Variants in CARMIL2 observed in about 807,000 individuals in gnomAD.
CARMIL2 encodes capping protein regulator and myosin 1 linker 2.
Under a neutral mutation model 173.3 loss-of-function variants are expected in CARMIL2, and 96 were observed. The observed-to-expected ratio is 0.55, with a 90% confidence interval of 0.47 to 0.66. The LOEUF (loss-of-function observed/expected upper bound fraction) is 0.66. Ranked by LOEUF, CARMIL2 falls within the 30% of genes least tolerant of loss-of-function variation. The pLI, the probability that CARMIL2 is intolerant of heterozygous loss-of-function variation, is 0.00. For synonymous variants in CARMIL2, 830 were observed against 817.1 expected (o/e 1.02, Z -0.27); for missense variants, 1,771 against 1,906.7 (o/e 0.93, Z 1.33).
Position 67,652,948 on chromosome 16 carries a change from G to C in CARMIL2, c.2885-71G>C. On this transcript the variant is annotated intron_variant, in intron 28 of 37. Coordinates refer to ENST00000334583, the MANE Select transcript of CARMIL2 (RefSeq NM_001013838.3). This position sits in a 1 kb window ranked among gnomAD's most constrained non-coding sequence, Gnocchi z 4.7. ...TCCCCGCGCCCTGGGCGGGTCCCCC[G>C]CCGCCCTAGCGCCTCCGCCGCCACC... The C allele has an allele frequency of 2.7e-6, 2 of 752,462 alleles. No homozygotes were observed. The highest frequency in any genetic ancestry group is 3.6e-6 in the Non-Finnish European group (2 of 562,240). 46.6% of individuals were successfully genotyped at this position (752,462 alleles called of 1,614,324 possible).
In CARMIL2 at chr16:67,656,833, G is replaced by C. The variant is rs1397038745; in HGVS notation, c.4069G>C (p.Gly1357Arg). Residue 1357 changes from glycine to arginine, a missense_variant, in exon 36 of 38, where the codon GGG becomes CGG. Gly to Arg is a moderately radical substitution (Grantham distance 125). Around this residue, in one of 3 missense-constraint regions of CARMIL2, gnomAD observed 817 missense variants for 903.5 expected, o/e 0.90. Coordinates refer to ENST00000334583, the MANE Select transcript of CARMIL2 (RefSeq NM_001013838.3). ...GCTGAGGCCGAGGCCTCTCTCGGCA[G>C]GGCGGCGAGCAGTGTCTGTGCATGA... ...GQLRPRPLSA[G>R]RRAVSVHEDQ... 36 of 1,550,806 alleles carry C rather than the reference G, an allele frequency of 2.3e-5. No homozygotes were observed. The Admixed American group carries it at 4.1e-4, about 18-fold the overall frequency.
chr16:67,648,643 C>G lies in CARMIL2; in HGVS notation c.1440-42C>G. On this transcript the variant is annotated intron_variant, in intron 15 of 37. Transcript: ENST00000334583. This position sits in a 1 kb window ranked among gnomAD's most constrained non-coding sequence, Gnocchi z 6.1. ...CTCCTTCGTTCGCACCCTGGAGCCCCCTGTCCCAGCTCCCGCCACCCCGTG... is the reference window on the plus strand; with the variant it reads ...CTCCTTCGTTCGCACCCTGGAGCCCGCTGTCCCAGCTCCCGCCACCCCGTG... 1 of 1,570,990 alleles carries G rather than the reference C, an allele frequency of 6.4e-7. No homozygotes were observed. The highest frequency in any genetic ancestry group is 8.7e-7 in the Non-Finnish European group (1 of 1,155,814).
rs761403215 is a variant in CARMIL2 at position 67,646,283 on chromosome 16, A to G, written c.347A>G (p.Lys116Arg). The G allele has an allele frequency of 1.2e-6, 2 of 1,613,672 alleles. No homozygotes were observed. Among genetic ancestry groups the G allele is most frequent in the South Asian group, 1.1e-5 (1 of 91,078 alleles). The change falls in exon 5 of 38, where the codon AAG becomes AGG. Residue 116 changes from lysine to arginine, a missense_variant. This residue lies in a region of CARMIL2 where 944 missense variants were observed against 975.6 expected (regional missense o/e 0.97). Transcript: ENST00000334583. The surrounding 1 kb of genome is among the most constrained non-coding windows in gnomAD (Gnocchi z 4.6). ...GCCCAGCACGTGGCTGCAGCCATCA[A>G]GAAGGTCTTCCCTCGCTCGACCCTT... ...QLAQHVAAAI[K>R]KVFPRSTLGK... is the part of the protein sequence containing the mutation.
chr16:67,653,603 C>G lies in CARMIL2; in HGVS notation c.3120+349C>G, dbSNP rs1017601015. On this transcript the variant is annotated intron_variant, in intron 29 of 37. Transcript: ENST00000334583. This position sits in a 1 kb window ranked among gnomAD's most constrained non-coding sequence, Gnocchi z 7.4. ...CAGCCGGGTAGCCGAGCCGCGGGGC[C>G]AAGCCTGCGTCTGCTGCGCGTCCGG... Among the ~76,000 whole-genome samples, 3 of 152,182 alleles carry G rather than the reference C, an allele frequency of 2.0e-5. No homozygotes were observed. The highest frequency in any genetic ancestry group is 7.2e-5 in the African/African-American group (3 of 41,464).
In CARMIL2 at chr16:67,652,758, G is replaced by A. The variant is rs2052750979; in HGVS notation, c.2884+220G>A. Among the ~76,000 whole-genome samples the A allele has an allele frequency of 6.6e-6, 1 of 152,066 alleles. No homozygotes were observed. On this transcript the variant is annotated intron_variant, in intron 28 of 37. Coordinates refer to ENST00000334583, the MANE Select transcript of CARMIL2 (RefSeq NM_001013838.3). The surrounding 1 kb of genome is among the most constrained non-coding windows in gnomAD (Gnocchi z 4.7). The stretch of plus-strand genomic sequence containing the variant: ...GGATCTGGGACAGGACACCGGCTCA[G>A]CTCGCCTCCCCGCGCCCCTTTCCCT...
In CARMIL2 at chr16:67,646,105, G is replaced by A. The variant is rs780415041; in HGVS notation, c.249+25G>A. On this transcript the variant is annotated intron_variant, in intron 4 of 37. Coordinates refer to ENST00000334583, the MANE Select transcript of CARMIL2 (RefSeq NM_001013838.3). The surrounding 1 kb of genome is among the most constrained non-coding windows in gnomAD (Gnocchi z 4.6). ...GGTGAGACACCTAGTACCCTACCTGGGCCTGCAGCCTGGTCTTCATGCTAC... is the reference window on the plus strand; with the variant it reads ...GGTGAGACACCTAGTACCCTACCTGAGCCTGCAGCCTGGTCTTCATGCTAC... 5 of 1,613,654 alleles carry A rather than the reference G, an allele frequency of 3.1e-6. No homozygotes were observed. The Admixed American group carries it at 5.0e-5, about 16-fold the overall frequency.
intron 1 of CARMIL2, 77 bp downstream of exon 1, chr16:67,645,363 C>T (rs2052574267): frequency 1.1e-5 from 16 of 1,497,552 alleles, no homozygotes; most frequent in Admixed American, 1.9e-5. Context: ...ACCCAGCGCC[C>T]CAGAGGGCCT....
In CARMIL2 at chr16:67,646,678, C is replaced by A. The variant is rs1444256953; in HGVS notation, c.467-36C>A. On this transcript the variant is annotated intron_variant, in intron 6 of 37. Transcript: ENST00000334583. The surrounding 1 kb of genome is among the most constrained non-coding windows in gnomAD (Gnocchi z 4.6). Reference sequence around the variant, plus strand: ...CCTCCATCGCTGATGTTTTGTCTCTCTCCTTTTCCACATCGCACCCCTATC... The same window carrying A: ...CCTCCATCGCTGATGTTTTGTCTCTATCCTTTTCCACATCGCACCCCTATC... 1 of 1,608,768 alleles carries A rather than the reference C, an allele frequency of 6.2e-7. No individual in the cohort carries two copies. Among genetic ancestry groups the A allele is most frequent in the Non-Finnish European group, 8.5e-7 (1 of 1,175,368 alleles).
rs1329430563 is a variant in CARMIL2 at position 67,657,042 on chromosome 16, GC to G, written c.4117+164del. On this transcript the variant is annotated intron_variant, in intron 36 of 37. Transcript: ENST00000334583. The surrounding 1 kb of genome is among the most constrained non-coding windows in gnomAD (Gnocchi z 4.5). ...ACCAGGTGCAAGGGTTTGACAGCAA[GC>G]CCTTCCAACTAGCACTGGCTCCACT... 1 of 759,464 alleles carries G rather than the reference GC, an allele frequency of 1.3e-6. No homozygotes were observed. Among genetic ancestry groups the G allele is most frequent in the East Asian group, 2.7e-5 (1 of 36,952 alleles). 47.0% of individuals were successfully genotyped at this position (759,464 alleles called of 1,614,324 possible). A position where few individuals can be genotyped will look rare whatever the true frequency, so the allele number is the denominator to read the frequency against.
chr16:67,650,205 C>T, intron 22 of CARMIL2, 55 bp downstream of exon 22: 1 of 1,450,380 alleles, frequency 6.9e-7, no homozygotes, highest in Admixed American at 1.9e-5. Flanking sequence ...CCTGTGGCAT[C>T]CGGGAGCCTC....
At chr16:67,654,273 G>T (rs763366612) in intron 30 of CARMIL2, 24 bp downstream of exon 30, 4 of 1,571,728 alleles carry the variant, frequency 2.5e-6, no homozygotes, top group East Asian at 2.3e-5. Flanking sequence ...ATCTGCTGGG[G>T]GTGGGAGAGG....
Position 67,645,712 on chromosome 16 carries a change from G to A in CARMIL2, c.133-12G>A. Reference sequence around the variant, plus strand: ...CTTGCTCTGCCCAGGATATCAGACTGTCTTTCCCCAGGCACTGCTACGATG... The same window carrying A: ...CTTGCTCTGCCCAGGATATCAGACTATCTTTCCCCAGGCACTGCTACGATG... On this transcript the variant is annotated splice_polypyrimidine_tract_variant and intron_variant, in intron 2 of 37. Coordinates refer to ENST00000334583, the MANE Select transcript of CARMIL2 (RefSeq NM_001013838.3). The A allele has an allele frequency of 6.2e-7, 1 of 1,613,538 alleles. No individual in the cohort carries two copies. Among genetic ancestry groups the A allele is most frequent in the Non-Finnish European group, 8.5e-7 (1 of 1,179,878 alleles).
chr16:67,655,104 T>C (rs1352250416), intron 32 of CARMIL2, among the ~76,000 whole-genome samples: 1 of 152,250 alleles, frequency 6.6e-6, no homozygotes, highest in Non-Finnish European at 1.5e-5. Flanking sequence ...TCTTTGGACC[T>C]GAGAAAGTCT....
chr16:67,651,253 C>T lies in CARMIL2; in HGVS notation c.2251C>T (p.Gln751Ter), dbSNP rs1442105852. ...GCTGCTGGGCTGTGGGGCTGGGCCC[C>T]AGGGTGAAGCCGCTGTGCGCCAGGC... ...VELLGCGAGP[Q>*]GEAAVRQAED... The change falls in exon 23 of 38, where the codon CAG becomes TAG. Residue 751 changes from glutamine (Q) to a stop codon, truncating the protein, a stop_gained. Transcript: ENST00000334583. LOFTEE classifies it high-confidence loss of function. This position sits in a 1 kb window ranked among gnomAD's most constrained non-coding sequence, Gnocchi z 4.2. 1 of 1,613,548 alleles carries T rather than the reference C, an allele frequency of 6.2e-7. No homozygotes were observed.
At position 67,645,146 on chromosome 16, in the gene CARMIL2, G is replaced by A; in HGVS notation, c.-101G>A. On this transcript the variant is annotated 5_prime_UTR_variant, in exon 1 of 38. It adds an upstream start codon to the 5' untranslated region. Transcript: ENST00000334583. ...GCACCTTCCGCCGCCGGAGGAGCAGGTGGCTGCCGTGCGGGTCTGGGCCCC... is the reference window on the plus strand; with the variant it reads ...GCACCTTCCGCCGCCGGAGGAGCAGATGGCTGCCGTGCGGGTCTGGGCCCC... 1.2e-6 allele frequency: 1 copy of A among 830,628 alleles called. No homozygotes were observed. The highest frequency in any genetic ancestry group is 1.8e-6 in the Non-Finnish European group (1 of 558,588). 51.5% of individuals were successfully genotyped at this position (830,628 alleles called of 1,614,324 possible).
rs192660617 is a variant in CARMIL2, at chr16:67,652,652, C to G, written c.2884+114C>G. 2,739 of 1,063,826 alleles carry G rather than the reference C, an allele frequency of 2.6e-3. 23 individuals carry two copies. The highest frequency in any genetic ancestry group is 0.01 in the South Asian group (699 of 69,162). The allele number at this position is 1,063,826 out of a possible 1,614,324, so 65.9% of individuals were successfully genotyped here. On this transcript the variant is annotated intron_variant, in intron 28 of 37. Transcript: ENST00000334583. This position sits in a 1 kb window ranked among gnomAD's most constrained non-coding sequence, Gnocchi z 4.7. ...CAGCCTTGTCTGGGTACCCACCAGC[C>G]CTTGACTGGGCCAGGTCGGGCCCCT...
chr16:67,653,011 C>A lies in CARMIL2; in HGVS notation c.2885-8C>A. Reference sequence around the variant, plus strand: ...GCGCTCGGTGCTCTTCTGGTGCTGTCCCCTCAGGTGCTGCTGAGGAAGCGG... The same window carrying A: ...GCGCTCGGTGCTCTTCTGGTGCTGTACCCTCAGGTGCTGCTGAGGAAGCGG... On this transcript the variant is annotated splice_polypyrimidine_tract_variant and splice_region_variant and intron_variant, in intron 28 of 37. Coordinates refer to ENST00000334583, the MANE Select transcript of CARMIL2 (RefSeq NM_001013838.3). The surrounding 1 kb of genome is among the most constrained non-coding windows in gnomAD (Gnocchi z 7.4). The A allele has an allele frequency of 8.0e-7, 1 of 1,254,626 alleles. No individual in the cohort carries two copies. Among genetic ancestry groups the A allele is most frequent in the Non-Finnish European group, 1.0e-6 (1 of 976,460 alleles). 77.7% of individuals were successfully genotyped at this position (1,254,626 alleles called of 1,614,324 possible). A position where few individuals can be genotyped will look rare whatever the true frequency, so the allele number is the denominator to read the frequency against.
chr16:67,656,785 C>T lies in CARMIL2; in HGVS notation c.4037-16C>T, dbSNP rs141279119. The T allele has an allele frequency of 4.5e-4, 703 of 1,551,266 alleles. No individual in the cohort carries two copies. The highest frequency in any genetic ancestry group is 5.9e-4 in the Non-Finnish European group (676 of 1,147,140). Reference sequence around the variant, plus strand: ...GGCAGCTGTTGGAATACCCCTGATTCCCTGGCCTCCCTCAGATGGCCAGCT... The same window carrying T: ...GGCAGCTGTTGGAATACCCCTGATTTCCTGGCCTCCCTCAGATGGCCAGCT... On this transcript the variant is annotated splice_polypyrimidine_tract_variant and intron_variant, in intron 35 of 37. Coordinates refer to ENST00000334583, the MANE Select transcript of CARMIL2 (RefSeq NM_001013838.3).
At position 67,648,562 on chromosome 16, in the gene CARMIL2, C is replaced by T; in HGVS notation, c.1439+60C>T. 13 of 1,468,000 alleles carry T rather than the reference C, an allele frequency of 8.9e-6. No homozygotes were observed. Among genetic ancestry groups the T allele is most frequent in the South Asian group, 2.6e-5 (2 of 78,028 alleles). The allele number at this position is 1,468,000 out of a possible 1,614,324, so 90.9% of individuals were successfully genotyped here. On this transcript the variant is annotated intron_variant, in intron 15 of 37. Transcript: ENST00000334583. This position sits in a 1 kb window ranked among gnomAD's most constrained non-coding sequence, Gnocchi z 6.1. The stretch of plus-strand genomic sequence containing the variant: ...GCTCCCACCCTGCCCTGGCCTTCGC[C>T]CCTCCCCGCTCCTGCTTCTGTCGCT...
Sources: gnomAD v4.1 joint callset for allele counts (sites outside exome capture counted in the v4.1 genomes callset) on GRCh38, gnomAD v4.1.1 for gene constraint, gnomAD v4.1.1 regional missense constraint, Gnocchi (gnomAD v3.1) non-coding constraint, MANE v1.5 for transcripts, NCBI Gene and HGNC (gene_info 2026-07-23, HGNC 2026-07-21) for gene names.